The following CENPP variants were observed in gnomAD, a reference collection of about 807,000 sequenced individuals.
CENPP encodes centromere protein P.
In CENPP, 24 loss-of-function variants were observed where a neutral mutation model predicts 35.6. That is an observed-to-expected ratio of 0.67 (90% confidence interval 0.49 to 0.95). The LOEUF is 0.95. Among genes scored for constraint, CENPP ranks in the 40% least tolerant of loss-of-function variants. The probability of loss-of-function intolerance (pLI) is 0.00; values close to 1 mark genes in which losing one functional copy is unlikely to be tolerated. For missense variants in CENPP, 332 were observed against 345.3 expected (o/e 0.96, Z 0.31); for synonymous variants, 120 against 125.5 (o/e 0.96, Z 0.29).
chr9:92,612,449 G>C (rs1162994849), intron 6 of CENPP, 74 bp from the exon 7 acceptor site: 6 of 1,168,252 alleles, frequency 5.1e-6, no homozygotes, highest in Non-Finnish European at 7.7e-6. Flanking sequence ...TGGAGACCAG[G>C]TGCGACTCAT....
intron 5 of CENPP, among the ~76,000 whole-genome samples, chr9:92,546,549 C>T (rs916863175): frequency 6.6e-6 from 1 of 152,076 alleles, no homozygotes; most frequent in South Asian, 2.1e-4. Context: ...ACGCCAAGGT[C>T]TGCAGCTTCA....
At chr9:92,578,659 C>G (rs1850344643) in intron 5 of CENPP, among the ~76,000 whole-genome samples, 1 of 151,920 alleles carries the variant, frequency 6.6e-6, no homozygotes, top group Non-Finnish European at 1.5e-5. Context: ...TTGTTTTTTT[C>G]TTGTAAATTT....
chr9:92,394,331 C>T (rs1012922382), intron 5 of CENPP, among the ~76,000 whole-genome samples: 3 of 151,916 alleles, frequency 2.0e-5, no homozygotes, highest in African/African-American at 7.2e-5. Context: ...CAACCTCCAC[C>T]TCCCCATTTC....
intron 4 of CENPP, among the ~76,000 whole-genome samples, chr9:92,371,107 A>G (rs1841995654): frequency 1.3e-5 from 2 of 151,620 alleles, no homozygotes; most frequent in Non-Finnish European, 3.0e-5. Flanking sequence ...TTGACTATCT[A>G]TTTCATTTAG....
At chr9:92,329,076 T>C (rs1588027471) in intron 1 of CENPP, among the ~76,000 whole-genome samples, 1 of 152,336 alleles carries the variant, frequency 6.6e-6, no homozygotes, top group East Asian at 1.9e-4. Flanking sequence ...TAATGATGAC[T>C]TGGTTCTCTT....
intron 5 of CENPP, among the ~76,000 whole-genome samples, chr9:92,408,199 G>GT (rs1843357623): frequency 6.6e-6 from 1 of 151,966 alleles, no homozygotes; most frequent in Non-Finnish European, 1.5e-5. Flanking sequence ...TTGTTTGTTT[G>GT]TTTTTGAGAC....
intron 5 of CENPP, among the ~76,000 whole-genome samples, chr9:92,535,471 C>A (rs1305856523): frequency 6.6e-6 from 1 of 151,988 alleles, no homozygotes; most frequent in African/African-American, 2.4e-5. Context: ...TATTTATAAA[C>A]CTTGATTAAC....
intron 5 of CENPP, among the ~76,000 whole-genome samples, chr9:92,585,459 G>C (rs1850518002): frequency 6.6e-6 from 1 of 152,178 alleles, no homozygotes; most frequent in Admixed American, 6.5e-5. Context: ...ACCAAATAAA[G>C]CTGCTGTGAA....
chr9:92,445,638 C>G (rs1844533496), intron 5 of CENPP, among the ~76,000 whole-genome samples: 1 of 152,160 alleles, frequency 6.6e-6, no homozygotes, highest in Non-Finnish European at 1.5e-5. Context: ...AATCTCAACA[C>G]TTTGGGAGGC....
At position 92,619,746 on chromosome 9, in the gene CENPP, G is replaced by A; in HGVS notation, c.*6597G>A. ...GAGGTCGCCCTGTGAGAGCACCTGGGCCAGCCCTCAGTGCCACGGGGCTGC... is the reference window on the plus strand; with the variant it reads ...GAGGTCGCCCTGTGAGAGCACCTGGACCAGCCCTCAGTGCCACGGGGCTGC... On this transcript the variant is annotated 3_prime_UTR_variant, in exon 8 of 8. Coordinates refer to ENST00000375587, the MANE Select transcript of CENPP (RefSeq NM_001012267.3). 1 of 622,406 alleles carries A rather than the reference G, an allele frequency of 1.6e-6. No homozygotes were observed. The highest frequency in any genetic ancestry group is 2.4e-5 in the Admixed American group (1 of 41,854). The allele number at this position is 622,406 out of a possible 1,614,324, so 38.6% of individuals were successfully genotyped here.
intron 5 of CENPP, among the ~76,000 whole-genome samples, chr9:92,436,219 G>A (rs981323585): frequency 3.9e-5 from 6 of 152,132 alleles, no homozygotes; most frequent in African/African-American, 1.4e-4. Flanking sequence ...TTAGTGAAAT[G>A]TCTGTTCATG....
intron 4 of CENPP, among the ~76,000 whole-genome samples, chr9:92,358,403 C>A (rs542622422): frequency 6.6e-6 from 1 of 152,102 alleles, no homozygotes; most frequent in South Asian, 2.1e-4. Flanking sequence ...CTGCCACATT[C>A]AGCTAATTTT....
intron 4 of CENPP, among the ~76,000 whole-genome samples, chr9:92,376,067 C>T (rs1230482405): frequency 6.6e-6 from 1 of 152,186 alleles, no homozygotes; most frequent in Non-Finnish European, 1.5e-5. Flanking sequence ...ACAACCCTGC[C>T]TTAGTCCTGT....
chr9:92,393,296 C>A (rs148059644), intron 5 of CENPP: 1 of 1,401,812 alleles, frequency 7.1e-7, no homozygotes, highest in Admixed American at 2.1e-5. Flanking sequence ...GAAAATATTT[C>A]TCCTCTAGTA....
chr9:92,435,519 T>C (rs576822653), intron 5 of CENPP, among the ~76,000 whole-genome samples: 1 of 152,304 alleles, frequency 6.6e-6, no homozygotes, highest in South Asian at 2.1e-4. Flanking sequence ...AACATTTTTA[T>C]CCCTGCAAGA....
At chr9:92,546,415 C>T (rs1021236129) in intron 5 of CENPP, among the ~76,000 whole-genome samples, 3 of 152,182 alleles carry the variant, frequency 2.0e-5, no homozygotes, top group East Asian at 1.9e-4. Context: ...TCCACGCTGA[C>T]TTTATGAGCT....
intron 5 of CENPP, among the ~76,000 whole-genome samples, chr9:92,594,047 A>G (rs1182959488): frequency 6.6e-6 from 1 of 152,256 alleles, no homozygotes; most frequent in Admixed American, 6.5e-5. Context: ...ATTATAACAA[A>G]CATCCCACAC....
intron 5 of CENPP, among the ~76,000 whole-genome samples, chr9:92,553,409 G>T (rs1418398681): frequency 6.6e-6 from 1 of 152,080 alleles, no homozygotes; most frequent in African/African-American, 2.4e-5. Context: ...GGTTACATAT[G>T]AATTTTAGAA....
At chr9:92,404,779 CTT>C in intron 5 of CENPP, 1 of 497,122 alleles carries the variant, frequency 2.0e-6, no homozygotes, top group Non-Finnish European at 2.9e-6. Flanking sequence ...TGACTATAAA[CTT>C]GTGTGATTTT....
Sources: allele counts gnomAD v4.1 joint callset (sites outside exome capture counted in the v4.1 genomes callset), GRCh38; gene constraint gnomAD v4.1.1; transcripts MANE v1.5; gene names NCBI Gene and HGNC (gene_info 2026-07-23, HGNC 2026-07-21).